Variants in NRXN3 observed in about 807,000 individuals in gnomAD.
NRXN3 encodes the protein neurexin 3.
A neutral mutation model predicts 137.6 loss-of-function variants in NRXN3; 32 were observed. That is an observed-to-expected ratio of 0.23 (90% CI 0.18 to 0.31). The LOEUF is 0.31. NRXN3 is among the 10% of genes least tolerant of loss of function. The pLI is 1.00. For missense variants in NRXN3, 1,574 were observed against 2,062.5 expected (o/e 0.76, Z 4.59); for synonymous variants, 798 against 784.5 (o/e 1.02, Z -0.29).
intron 15 of NRXN3, among the ~76,000 whole-genome samples, chr14:79,087,246 A>G (rs2048299571): frequency 2.6e-5 from 4 of 152,198 alleles, no homozygotes; most frequent in Admixed American, 2.6e-4. Context: ...GCCTTTTGCA[A>G]GTGGTTCTCC....
At chr14:79,421,861 CT>C (rs2095580681) in intron 15 of NRXN3, among the ~76,000 whole-genome samples, 2 of 152,206 alleles carry the variant, frequency 1.3e-5, no homozygotes, top group South Asian at 2.1e-4. Context: ...ATTCTCTGTG[CT>C]TAGGTGATTT....
intron 4 of NRXN3, among the ~76,000 whole-genome samples, chr14:78,642,596 C>CA (rs1469600830): frequency 6.6e-6 from 1 of 152,170 alleles, no homozygotes; most frequent in Non-Finnish European, 1.5e-5. Context: ...GTGCCAAGGA[C>CA]ATGCACAGTA....
intron 16 of NRXN3, among the ~76,000 whole-genome samples, chr14:79,634,315 G>C (rs1277750135): frequency 2.0e-5 from 3 of 151,968 alleles, no homozygotes; most frequent in African/African-American, 7.3e-5. Context: ...ATGAGGGAGA[G>C]AGAGAGAGAG....
chr14:78,880,681 A>AAT (rs2099126656), intron 10 of NRXN3, among the ~76,000 whole-genome samples: 1 of 152,166 alleles, frequency 6.6e-6, no homozygotes. Flanking sequence ...CATTATAAGG[A>AAT]ATATATATGT....
At chr14:78,604,417 A>G (rs559230784) in intron 4 of NRXN3, among the ~76,000 whole-genome samples, 10 of 152,300 alleles carry the variant, frequency 6.6e-5, no homozygotes, top group African/African-American at 2.4e-4. Context: ...TGTAAAGAGA[A>G]ATAACCCAAG....
chr14:78,967,317 A>T lies in NRXN3; in HGVS notation c.2887A>T (p.Asn963Tyr). The change falls in exon 13 of 21, where the codon AAT (asparagine) becomes TAT (tyrosine). Residue 963 changes from asparagine (N) to tyrosine (Y), a missense_variant. Asn to Tyr is a moderately radical substitution (Grantham distance 143). Transcript: ENST00000335750. ...QWHNVVITRDNSNTHSLKVDT... is the reference protein window; with the variant it reads ...QWHNVVITRDYSNTHSLKVDT... The stretch of plus-strand genomic sequence containing the variant: ...GCACAATGTCGTCATCACTCGGGAC[A>T]ATAGTAACACTCATAGCCTGAAAGT... The T allele has an allele frequency of 1.2e-6, 2 of 1,614,058 alleles. No homozygotes were observed. Among genetic ancestry groups the T allele is most frequent in the Non-Finnish European group, 1.7e-6 (2 of 1,179,976 alleles).
chr14:79,714,649 A>T lies in NRXN3; in HGVS notation c.4014+16712A>T, dbSNP rs151326174. Among the ~76,000 whole-genome samples the T allele has an allele frequency of 3.8e-3, 583 of 152,302 alleles. 2 individuals are homozygous for T. Among genetic ancestry groups the T allele is most frequent in the African/African-American group, 0.013 (553 of 41,562 alleles). On this transcript the variant is annotated intron_variant, in intron 19 of 20. Transcript: ENST00000335750. ...ATATGTCTGCTAATAATTAGAGGGAAATAAATTACATAAAACAATGCCAGT... is the reference window on the plus strand; with the variant it reads ...ATATGTCTGCTAATAATTAGAGGGATATAAATTACATAAAACAATGCCAGT...
chr14:79,242,126 C>T (rs533854832), intron 15 of NRXN3, among the ~76,000 whole-genome samples: 9 of 152,074 alleles, frequency 5.9e-5, no homozygotes, highest in East Asian at 3.9e-4. Flanking sequence ...GTAATTAGCA[C>T]CTATTTATCA....
intron 6 of NRXN3, among the ~76,000 whole-genome samples, chr14:78,704,713 A>G (rs1041069812): frequency 2.0e-5 from 3 of 152,140 alleles, no homozygotes; most frequent in African/African-American, 7.2e-5. Context: ...TGCATTTAAT[A>G]GCCTACATGA....
chr14:79,174,993 T>C (rs1273937535), intron 15 of NRXN3, among the ~76,000 whole-genome samples: 1 of 151,134 alleles, frequency 6.6e-6, no homozygotes, highest in East Asian at 1.9e-4. Context: ...TTTTTTTTTT[T>C]TTTCTGAGGC....
At chr14:78,755,856 A>C (rs1268373254) in intron 8 of NRXN3, among the ~76,000 whole-genome samples, 4 of 152,204 alleles carry the variant, frequency 2.6e-5, no homozygotes, top group Non-Finnish European at 5.9e-5. Context: ...ATGTTTACCT[A>C]TCTGCTGTGT....
chr14:79,503,916 G>A (rs1402751269), intron 16 of NRXN3, among the ~76,000 whole-genome samples: 1 of 152,168 alleles, frequency 6.6e-6, no homozygotes, highest in African/African-American at 2.4e-5. Context: ...GTTTTCCAGT[G>A]CAGTCTTCTC....
intron 4 of NRXN3, among the ~76,000 whole-genome samples, chr14:78,419,947 G>GCA (rs2093351032): frequency 5.5e-4 from 3 of 5,426 alleles, no homozygotes; most frequent in Non-Finnish European, 3.7e-3. Flanking sequence ...ACGTGTGTGC[G>GCA]CGCGCGCGCG....
chr14:79,463,363 C>T (rs972840041), intron 15 of NRXN3, among the ~76,000 whole-genome samples: 1 of 152,086 alleles, frequency 6.6e-6, no homozygotes, highest in Non-Finnish European at 1.5e-5. Context: ...AGCACACACT[C>T]ACAGAACACA....
chr14:79,739,009 A>G (rs1250296484), intron 19 of NRXN3, among the ~76,000 whole-genome samples: 1 of 152,238 alleles, frequency 6.6e-6, no homozygotes, highest in African/African-American at 2.4e-5. Context: ...TCATTACTAT[A>G]AAATATGGTG....
chr14:79,269,127 G>A (rs939559454), intron 15 of NRXN3, among the ~76,000 whole-genome samples: 10 of 152,130 alleles, frequency 6.6e-5, no homozygotes, highest in Non-Finnish European at 1.5e-4. Context: ...TCGGCTCACT[G>A]CAAGCTCCGC....
chr14:78,597,153 G>T (rs138224860), intron 4 of NRXN3, among the ~76,000 whole-genome samples: 228 of 152,324 alleles, frequency 1.5e-3, no homozygotes, highest in African/African-American at 5.1e-3. Context: ...AGAAGACTGT[G>T]TCGGGGATGA....
chr14:79,249,051 A>G (rs2075595975), intron 15 of NRXN3: 1 of 152,194 alleles, frequency 6.6e-6, no homozygotes, highest in Non-Finnish European at 1.5e-5. Context: ...CAGGTTGTAC[A>G]TTGACTGTTG....
intron 16 of NRXN3, among the ~76,000 whole-genome samples, chr14:79,491,819 A>G (rs531884981): frequency 6.6e-6 from 1 of 152,316 alleles, no homozygotes; most frequent in African/African-American, 2.4e-5. Context: ...ATTCAGTTAC[A>G]GTATATATAA....
Sources: gnomAD v4.1 joint callset for allele counts (sites outside exome capture counted in the v4.1 genomes callset) on GRCh38, gnomAD v4.1.1 for gene constraint, MANE v1.5 for transcripts, NCBI Gene and HGNC (gene_info 2026-07-23, HGNC 2026-07-21) for gene names.